LYST: variants seen among roughly 807,000 people sequenced by gnomAD.
LYST encodes lysosomal-trafficking regulator.
LYST carries 192 observed loss-of-function variants against 413.6 expected under a neutral mutation model. The observed-to-expected ratio is 0.46, with a 90% CI of 0.41 to 0.52. LYST has a LOEUF of 0.52. Among genes scored for constraint, LYST ranks in the 20% least tolerant of loss-of-function variants. The pLI is 0.00. For missense variants in LYST, 3,815 were observed against 4,499.9 expected (o/e 0.85, Z 4.35); for synonymous variants, 1,525 against 1,567.3 (o/e 0.97, Z 0.64).
rs1220218698 is a variant in LYST, at chr1:235,662,686, T to C, written c.*254A>G. ...AAATTTTAAGAATATCATTTTAATG[T>C]ACCATGCGAGGCTTAAAACTTGTTG... On this transcript the variant is annotated 3_prime_UTR_variant, in exon 53 of 53. Transcript: ENST00000389793. 2.0e-6 allele frequency: 1 copy of C among 508,814 alleles called. No individual in the cohort carries two copies. The highest frequency in any genetic ancestry group is 3.6e-6 in the Non-Finnish European group (1 of 280,754). The allele number at this position is 508,814 out of a possible 1,614,324, so 31.5% of individuals were successfully genotyped here. A position where few individuals can be genotyped will look rare whatever the true frequency, so the allele number is the denominator to read the frequency against.
chr1:235,689,334 G>C (rs1270821500), intron 47 of LYST, among the ~76,000 whole-genome samples: 1 of 152,096 alleles, frequency 6.6e-6, no homozygotes, highest in African/African-American at 2.4e-5. Context: ...TGGAAATCCT[G>C]TTATTTGTGA....
chr1:235,810,383 T>C lies in LYST; in HGVS notation c.435A>G (p.Arg145=). 6.2e-7 allele frequency: 1 copy of C among 1,612,890 alleles called. No homozygotes were observed. The highest frequency in any genetic ancestry group is 8.5e-7 in the Non-Finnish European group (1 of 1,179,518). Residue 145 remains arginine, a synonymous_variant, in exon 5 of 53, where the codon CGA becomes CGG. Coordinates refer to ENST00000389793, the MANE Select transcript of LYST (RefSeq NM_000081.4). ...AKVNVFRKSR[R]QRKITHRYSV... ...AATAGCGATGGGTAATTTTACGCTG[T>C]CGTCTGCTTTTTCGAAAAACATTTA... is the stretch of plus-strand genomic sequence containing the variant.
intron 1 of LYST, among the ~76,000 whole-genome samples, chr1:235,851,345 C>CTAAGTG (rs1316929781): frequency 6.6e-6 from 1 of 150,720 alleles, no homozygotes. Flanking sequence ...TATGTGGGAG[C>CTAAGTG]TAAGCTATGA....
chr1:235,866,920 C>CCGCG (rs1680622657), upstream of LYST: 1 of 154,940 alleles, frequency 6.5e-6, no homozygotes, highest in East Asian at 1.9e-4. Flanking sequence ...GCCGCCGCCG[C>CCGCG]CGCGCACTCC....
At chr1:235,799,255 AATC>A (rs1671926856) in intron 10 of LYST, among the ~76,000 whole-genome samples, 1 of 152,248 alleles carries the variant, frequency 6.6e-6, no homozygotes, top group Non-Finnish European at 1.5e-5. Flanking sequence ...TCCAGTCAAG[AATC>A]ATCATACTTT....
At chr1:235,749,780 TA>T (rs199944067) in intron 28 of LYST, among the ~76,000 whole-genome samples, 4 of 150,586 alleles carry the variant, frequency 2.7e-5, no homozygotes, top group African/African-American at 9.8e-5. Flanking sequence ...TGACTCAAAC[TA>T]AAAAAAAATA....
At chr1:235,843,787 A>G (rs1237222649) in intron 1 of LYST, among the ~76,000 whole-genome samples, 1 of 152,206 alleles carries the variant, frequency 6.6e-6, no homozygotes, top group Non-Finnish European at 1.5e-5. Context: ...GGTTATAATA[A>G]TGATATTTAT....
intron 10 of LYST, among the ~76,000 whole-genome samples, chr1:235,794,459 T>C (rs1671348640): frequency 6.6e-6 from 1 of 152,164 alleles, no homozygotes; most frequent in African/African-American, 2.4e-5. Flanking sequence ...AGCAAAATAA[T>C]AACTAATATT....
chr1:235,817,840 C>A (rs1468314327), intron 3 of LYST, among the ~76,000 whole-genome samples: 1 of 151,912 alleles, frequency 6.6e-6, no homozygotes, highest in African/African-American at 2.4e-5. Context: ...AACAAACCTG[C>A]AAATGCACCC....
At chr1:235,729,113 A>G (rs570769389) in intron 37 of LYST, among the ~76,000 whole-genome samples, 1 of 152,334 alleles carries the variant, frequency 6.6e-6, no homozygotes, top group South Asian at 2.1e-4. Flanking sequence ...GTTTTCCTTC[A>G]TATTTTGAGA....
intron 1 of LYST, among the ~76,000 whole-genome samples, chr1:235,853,932 G>A (rs995905067): frequency 1.3e-5 from 2 of 152,038 alleles, no homozygotes; most frequent in Non-Finnish European, 2.9e-5. Context: ...CCTGAGCACC[G>A]CAAAAGGGTA....
chr1:235,775,545 C>A (rs185597337), intron 17 of LYST, among the ~76,000 whole-genome samples: 2 of 152,270 alleles, frequency 1.3e-5, no homozygotes, highest in Admixed American at 1.3e-4. Flanking sequence ...CACTTTCTGA[C>A]AACTACTATA....
chr1:235,838,456 C>G (rs1676815524), intron 1 of LYST, among the ~76,000 whole-genome samples: 1 of 152,170 alleles, frequency 6.6e-6, no homozygotes, highest in Non-Finnish European at 1.5e-5. Context: ...ACTGGGTTAT[C>G]TGGAATGAAT....
intron 43 of LYST, among the ~76,000 whole-genome samples, chr1:235,710,907 A>G (rs938249207): frequency 5.3e-5 from 8 of 152,154 alleles, no homozygotes; most frequent in African/African-American, 1.9e-4. Flanking sequence ...GAGAGACCAC[A>G]TGAAAAAACA....
At chr1:235,811,539 T>C (rs1212035682) in intron 4 of LYST, among the ~76,000 whole-genome samples, 2 of 152,182 alleles carry the variant, frequency 1.3e-5, no homozygotes, top group Non-Finnish European at 2.9e-5. Context: ...AGATAGGGCC[T>C]GGCGTATGGT....
At chr1:235,785,067 T>C (rs1387264883) in intron 14 of LYST, among the ~76,000 whole-genome samples, 1 of 152,224 alleles carries the variant, frequency 6.6e-6, no homozygotes, top group Admixed American at 6.5e-5. Context: ...CCCTCTATTA[T>C]TGAGGCTGGA....
At chr1:235,878,999 T>C (rs1681257113) in intron 1 of LYST, among the ~76,000 whole-genome samples, 2 of 152,210 alleles carry the variant, frequency 1.3e-5, no homozygotes, top group African/African-American at 4.8e-5. Context: ...GTGAACATTG[T>C]ACCCAACAGG....
intron 31 of LYST, chr1:235,738,562 G>T: frequency 6.2e-7 from 1 of 1,610,930 alleles, no homozygotes; most frequent in Non-Finnish European, 8.5e-7. Flanking sequence ...TGTCATGGGT[G>T]AGTCCTTGGG....
intron 17 of LYST, among the ~76,000 whole-genome samples, chr1:235,776,316 T>A (rs994892590): frequency 6.6e-6 from 1 of 152,220 alleles, no homozygotes; most frequent in African/African-American, 2.4e-5. Flanking sequence ...ATATGCTTCT[T>A]ATTGCAAAAT....
Sources: gnomAD v4.1 joint callset for allele counts (sites outside exome capture counted in the v4.1 genomes callset) on GRCh38, gnomAD v4.1.1 for gene constraint, MANE v1.5 for transcripts, NCBI Gene and HGNC (gene_info 2026-07-23, HGNC 2026-07-21) for gene names.